The following RAB8B variants were observed in gnomAD, a reference collection of about 807,000 sequenced individuals.
RAB8B encodes the protein RAB8B, member RAS oncogene family.
In RAB8B, 11 loss-of-function variants were observed where a neutral mutation model predicts 32.0. The ratio of observed to expected loss-of-function variants is 0.34; its 90% CI spans 0.22 to 0.57. RAB8B has a LOEUF of 0.57. RAB8B is among the 20% of genes least tolerant of loss of function. The pLI is 0.86. For synonymous variants in RAB8B, 103 were observed against 89.6 expected, an observed-to-expected ratio of 1.15 and a Z score of -0.85; for missense variants, 190 against 258.5, an observed-to-expected ratio of 0.73 and a Z score of 1.82.
At chr15:63,225,373 G>A (rs1051154252) in intron 1 of RAB8B, among the ~76,000 whole-genome samples, 10 of 152,150 alleles carry the variant, frequency 6.6e-5, no homozygotes, top group Admixed American at 5.2e-4. Flanking sequence ...GGTATATTGA[G>A]TACTTTTAAT....
chr15:63,237,319 C>T (rs1397172258), intron 1 of RAB8B, among the ~76,000 whole-genome samples: 1 of 152,198 alleles, frequency 6.6e-6, no homozygotes. Context: ...AAACTGTTCT[C>T]CATAGTGGCT....
At chr15:63,214,581 C>T (rs1170513713) in intron 1 of RAB8B, among the ~76,000 whole-genome samples, 2 of 152,126 alleles carry the variant, frequency 1.3e-5, no homozygotes, top group African/African-American at 4.8e-5. Flanking sequence ...GCCGAGAAGC[C>T]ATCCACCACG....
chr15:63,212,648 G>A (rs574834278), intron 1 of RAB8B, among the ~76,000 whole-genome samples: 3 of 152,288 alleles, frequency 2.0e-5, no homozygotes, highest in African/African-American at 7.2e-5. Context: ...GGGAGGTGAA[G>A]GAAATTATTA....
chr15:63,261,329 G>A (rs1391736048), intron 6 of RAB8B, among the ~76,000 whole-genome samples: 1 of 152,132 alleles, frequency 6.6e-6, no homozygotes, highest in African/African-American at 2.4e-5. Flanking sequence ...GGGTAGGAAT[G>A]TAAATTAGTA....
At chr15:63,261,730 T>C (rs1267355948) in intron 6 of RAB8B, among the ~76,000 whole-genome samples, 1 of 152,212 alleles carries the variant, frequency 6.6e-6, no homozygotes, top group Non-Finnish European at 1.5e-5. Context: ...TTTTATTTGA[T>C]TGGATTGGAA....
At chr15:63,244,031 C>T (rs77171305) in intron 1 of RAB8B, among the ~76,000 whole-genome samples, 1 of 151,964 alleles carries the variant, frequency 6.6e-6, no homozygotes, top group South Asian at 2.1e-4. Flanking sequence ...CATACAGGCT[C>T]CACATGAATC....
intron 1 of RAB8B, among the ~76,000 whole-genome samples, chr15:63,238,230 TAAA>T (rs917437804): frequency 1.4e-5 from 2 of 143,500 alleles, no homozygotes; most frequent in African/African-American, 2.6e-5. Context: ...CCTTTTAAAT[TAAA>T]AAAAAAAAAA....
rs188840050 is a variant in RAB8B at position 63,245,796 on chromosome 15, A to C, written c.185+980A>C. ...TGAGATATCTTGGGGATGGGACCCA[A>C]GTCTAAACACGAAATTCATTTATGT... On this transcript the variant is annotated intron_variant, in intron 2 of 7. Transcript: ENST00000321437. Among the ~76,000 whole-genome samples the C allele has an allele frequency of 2.3e-3, 358 of 152,376 alleles. 3 individuals are homozygous for C. Among genetic ancestry groups the C allele is most frequent in the African/African-American group, 8.4e-3 (348 of 41,588 alleles).
In RAB8B at chr15:63,248,972, A is replaced by G. The variant is rs72748906; in HGVS notation, c.186-673A>G. Reference sequence around the variant, plus strand: ...TCTATAAATGAAATCAGAAACTCTTATATTTTTCAGAATGCATTTTAATGG... The same window carrying G: ...TCTATAAATGAAATCAGAAACTCTTGTATTTTTCAGAATGCATTTTAATGG... On this transcript the variant is annotated intron_variant, in intron 2 of 7. Coordinates refer to ENST00000321437, the MANE Select transcript of RAB8B (RefSeq NM_016530.3). The surrounding 1 kb of genome is among the most constrained non-coding windows in gnomAD (Gnocchi z 4.4). Among the ~76,000 whole-genome samples, 21,677 of 152,226 alleles carry G rather than the reference A, an allele frequency of 0.14. 2,004 individuals are homozygous for G. The highest frequency in any genetic ancestry group is 0.47 in the East Asian group (2,434 of 5,188).
chr15:63,245,525 CT>C (rs202033992), intron 2 of RAB8B, among the ~76,000 whole-genome samples: 19 of 152,032 alleles, frequency 1.2e-4, no homozygotes, highest in African/African-American at 4.6e-4. Context: ...TGTCCTATAC[CT>C]TTTTTTTAAT....
Position 63,259,608 on chromosome 15 carries a change from A to G in RAB8B, c.415-19A>G. On this transcript the variant is annotated intron_variant, in intron 5 of 7. Transcript: ENST00000321437. This position sits in a 1 kb window ranked among gnomAD's most constrained non-coding sequence, Gnocchi z 4.4. ...CAAGTATCTTTTGCTAAATTTAAAT[A>G]TTTCTGTTTACTTTTCAGCTAGCAA... is the stretch of plus-strand genomic sequence containing the variant. 6.2e-7 allele frequency: 1 copy of G among 1,604,780 alleles called. No individual in the cohort carries two copies. Among genetic ancestry groups the G allele is most frequent in the Non-Finnish European group, 8.5e-7 (1 of 1,171,596 alleles).
chr15:63,240,810 A>AC (rs2038026160), intron 1 of RAB8B, among the ~76,000 whole-genome samples: 1 of 151,104 alleles, frequency 6.6e-6, no homozygotes, highest in South Asian at 2.1e-4. Flanking sequence ...TCCTAACAAA[A>AC]AAAAAAAAAA....
intron 1 of RAB8B, among the ~76,000 whole-genome samples, chr15:63,192,248 T>C (rs2037561840): frequency 1.3e-5 from 2 of 152,220 alleles, no homozygotes; most frequent in African/African-American, 4.8e-5. Context: ...AGAAACCTAA[T>C]GCTCTGCAGT....
rs2037598915 is a variant in RAB8B at position 63,196,244 on chromosome 15, A to G, written c.124+6496A>G. 3.3e-5 allele frequency among the ~76,000 whole-genome samples: 5 copies of G among 152,272 alleles called. No individual in the cohort carries two copies. In the South Asian group the frequency reaches 1.0e-3, roughly 31 times the overall value. The stretch of plus-strand genomic sequence containing the variant: ...GGCTAGATGAGGCCTGTGAGCTACC[A>G]GCTTGCAAAGCAGGCATGGCCATCA... On this transcript the variant is annotated intron_variant, in intron 1 of 7. Coordinates refer to ENST00000321437, the MANE Select transcript of RAB8B (RefSeq NM_016530.3).
At position 63,263,647 on chromosome 15, in the gene RAB8B, A is replaced by G. The variant is rs766307679; in HGVS notation, c.*28A>G. ...AACTCTTTCTGAGAGACTGCAGCACACCTAGAGGGCCCTTTCCTGCTTCTC... is the reference window on the plus strand; with the variant it reads ...AACTCTTTCTGAGAGACTGCAGCACGCCTAGAGGGCCCTTTCCTGCTTCTC... On this transcript the variant is annotated 3_prime_UTR_variant, in exon 8 of 8. Coordinates refer to ENST00000321437, the MANE Select transcript of RAB8B (RefSeq NM_016530.3). 1.9e-6 allele frequency: 3 copies of G among 1,538,750 alleles called. No individual in the cohort carries two copies. The highest frequency in any genetic ancestry group is 2.7e-6 in the Non-Finnish European group (3 of 1,112,112).
intron 1 of RAB8B, among the ~76,000 whole-genome samples, chr15:63,224,234 C>A (rs2037870842): frequency 6.6e-6 from 1 of 152,078 alleles, no homozygotes; most frequent in African/African-American, 2.4e-5. Context: ...GAAGATGCAA[C>A]TATAATTAGA....
chr15:63,225,031 G>A (rs766682787), intron 1 of RAB8B, among the ~76,000 whole-genome samples: 49 of 152,196 alleles, frequency 3.2e-4, no homozygotes, highest in Non-Finnish European at 6.5e-4. Context: ...GAGGGTTAGG[G>A]ATGGATATTT....
chr15:63,235,493 T>A (rs753831149), intron 1 of RAB8B, among the ~76,000 whole-genome samples: 83 of 152,212 alleles, frequency 5.5e-4, no homozygotes, highest in Non-Finnish European at 9.3e-4. Flanking sequence ...GACATTCTCA[T>A]GTCCATGTAC....
intron 1 of RAB8B, among the ~76,000 whole-genome samples, chr15:63,209,229 A>G (rs920858525): frequency 2.6e-5 from 4 of 152,054 alleles, no homozygotes; most frequent in Non-Finnish European, 4.4e-5. Flanking sequence ...GCCGAATACC[A>G]TACTTTGTAC....
Sources: allele counts gnomAD v4.1 joint callset (sites outside exome capture counted in the v4.1 genomes callset), GRCh38; gene constraint gnomAD v4.1.1; non-coding constraint Gnocchi (gnomAD v3.1); transcripts MANE v1.5; gene names NCBI Gene and HGNC (gene_info 2026-07-23, HGNC 2026-07-21).